NUB1: variants seen among roughly 807,000 people sequenced by gnomAD.
The protein encoded by NUB1 is negative regulator of ubiquitin like proteins 1, also known as NEDD8 ultimate buster 1.
NUB1 carries 41 observed loss-of-function variants against 77.1 expected under a neutral mutation model. The ratio of observed to expected loss-of-function variants is 0.53; its 90% CI spans 0.41 to 0.69. The LOEUF is 0.69. NUB1 is among the 30% of genes least tolerant of loss of function. The pLI is 0.00. For synonymous variants in NUB1, 257 were observed against 281.0 expected, an observed-to-expected ratio of 0.91 and a Z score of 0.85; for missense variants, 643 against 743.8, an observed-to-expected ratio of 0.86 and a Z score of 1.58.
intron 1 of NUB1, among the ~76,000 whole-genome samples, chr7:151,343,567 C>T (rs17173091): frequency 0.046 from 6,975 of 152,220 alleles, 296 homozygotes; most frequent in East Asian, 0.25. Context: ...TATTGCTTGT[C>T]TGATTTGGGA....
rs1260576235 is a variant in NUB1 at position 151,355,893 on chromosome 7, C to T, written c.541C>T (p.Leu181Phe). The T allele has an allele frequency of 2.5e-6, 4 of 1,613,820 alleles. No individual in the cohort carries two copies. Among genetic ancestry groups the T allele is most frequent in the Admixed American group, 1.7e-5 (1 of 60,002 alleles). ...GGAAGAGGAGCAAAATGAGGCCAAA[C>T]TCAAAGAAAAACAAATTCAGAGGAC... ...LEEEEQNEAKLKEKQIQRTKR... is the reference protein window; with the variant it reads ...LEEEEQNEAKFKEKQIQRTKR... Residue 181 changes from leucine (L) to phenylalanine (F), a missense_variant, in exon 6 of 15, where the codon CTC becomes TTC. Leu to Phe is a conservative substitution (Grantham distance 22, BLOSUM62 0). Coordinates refer to ENST00000568733, the MANE Select transcript of NUB1 (RefSeq NM_001243351.2).
chr7:151,370,909 A>C (rs1163264118), intron 11 of NUB1, among the ~76,000 whole-genome samples: 1 of 152,156 alleles, frequency 6.6e-6, no homozygotes, highest in Non-Finnish European at 1.5e-5. Flanking sequence ...TCACTGTATA[A>C]GACTATAGTT....
intron 13 of NUB1, chr7:151,376,260 A>G (rs992735086): frequency 8.6e-6 from 4 of 463,424 alleles, no homozygotes; most frequent in Admixed American, 7.1e-5. Flanking sequence ...GACCTGGGAA[A>G]CCCATCCAGC....
rs771994920 is a variant in NUB1, at chr7:151,345,470, T to G, written c.117+4T>G. The G allele has an allele frequency of 1.4e-6, 2 of 1,468,464 alleles. No individual in the cohort carries two copies. The highest frequency in any genetic ancestry group is 1.9e-6 in the Non-Finnish European group (2 of 1,059,762). The allele number at this position is 1,468,464 out of a possible 1,614,324, so 91.0% of individuals were successfully genotyped here. The stretch of plus-strand genomic sequence containing the variant: ...AAAAGTTGGTTTGGCATTAAAGGTA[T>G]TTTTCTTTTAAGACATCAATAATTA... On this transcript the variant is annotated splice_donor_region_variant and intron_variant, in intron 2 of 14. Coordinates refer to ENST00000568733, the MANE Select transcript of NUB1 (RefSeq NM_001243351.2).
intron 13 of NUB1, 124 bp downstream of exon 13, chr7:151,376,067 A>G (rs774096291): frequency 5.2e-5 from 37 of 706,090 alleles, no homozygotes; most frequent in Non-Finnish European, 8.0e-5. Context: ...CCCAGGCTCC[A>G]GGTGTAACCT....
At chr7:151,354,730 G>A (rs950135270) in intron 5 of NUB1, among the ~76,000 whole-genome samples, 3 of 152,248 alleles carry the variant, frequency 2.0e-5, no homozygotes, top group East Asian at 1.9e-4. Flanking sequence ...GGTAGATGGA[G>A]CCCATGGTCT....
intron 2 of NUB1, among the ~76,000 whole-genome samples, chr7:151,348,872 G>C (rs555268590): frequency 5.9e-5 from 9 of 152,242 alleles, no homozygotes; most frequent in African/African-American, 1.9e-4. Flanking sequence ...ACCGCGCCCA[G>C]TCTCAAATAA....
intron 2 of NUB1, among the ~76,000 whole-genome samples, chr7:151,347,573 T>A (rs944573209): frequency 6.6e-6 from 1 of 152,166 alleles, no homozygotes; most frequent in Non-Finnish European, 1.5e-5. Flanking sequence ...TTCTCCCACC[T>A]CAGCCTTGGG....
chr7:151,342,978 A>G (rs1436725269), intron 1 of NUB1, among the ~76,000 whole-genome samples: 1 of 152,120 alleles, frequency 6.6e-6, no homozygotes, highest in Non-Finnish European at 1.5e-5. Context: ...CCGGCCTTGG[A>G]TGGCATCTCT....
At position 151,375,159 on chromosome 7, in the gene NUB1, C is replaced by T. The variant is rs1048441937; in HGVS notation, c.1396-689C>T. Among the ~76,000 whole-genome samples, 7 of 152,234 alleles carry T rather than the reference C, an allele frequency of 4.6e-5. No individual in the cohort carries two copies. The East Asian group carries it at 7.7e-4, about 17-fold the overall frequency. ...TGCCTCTTATCCCTGCCCTGTTCCC[C>T]GGAAGGCTCCACAAGTCAGTACTTT... On this transcript the variant is annotated intron_variant, in intron 12 of 14. Coordinates refer to ENST00000568733, the MANE Select transcript of NUB1 (RefSeq NM_001243351.2).
intron 2 of NUB1, among the ~76,000 whole-genome samples, chr7:151,346,188 GAC>G (rs1796500866): frequency 6.6e-6 from 1 of 152,210 alleles, no homozygotes; most frequent in African/African-American, 2.4e-5. Context: ...CTTGGGAGGT[GAC>G]AAACTGTATT....
chr7:151,351,936 C>CACAT (rs3838706), intron 4 of NUB1, among the ~76,000 whole-genome samples: 2 of 151,686 alleles, frequency 1.3e-5, no homozygotes, highest in Non-Finnish European at 2.9e-5. Context: ...CACACACACA[C>CACAT]GTTTGCCACA....
Position 151,377,031 on chromosome 7 carries a change from C to A in NUB1, c.1670-16C>A. On this transcript the variant is annotated splice_polypyrimidine_tract_variant and intron_variant, in intron 14 of 14. Transcript: ENST00000568733. ...TCCTCACATAATTCACTTACTCCTGCGGTATTTTATTGTAGGAACCTCTAG... is the reference window on the plus strand; with the variant it reads ...TCCTCACATAATTCACTTACTCCTGAGGTATTTTATTGTAGGAACCTCTAG... The A allele has an allele frequency of 6.6e-7, 1 of 1,526,052 alleles. No individual in the cohort carries two copies. Among genetic ancestry groups the A allele is most frequent in the Non-Finnish European group, 8.8e-7 (1 of 1,135,868 alleles). 94.5% of individuals were successfully genotyped at this position (1,526,052 alleles called of 1,614,324 possible).
intron 7 of NUB1, among the ~76,000 whole-genome samples, chr7:151,356,837 C>T: frequency 6.6e-6 from 1 of 152,198 alleles, no homozygotes; most frequent in Non-Finnish European, 1.5e-5. Context: ...CCTGCCTCAG[C>T]CTCCTGAGTA....
At chr7:151,351,535 C>T in intron 4 of NUB1, 53 bp downstream of exon 4, 1 of 1,279,602 alleles carries the variant, frequency 7.8e-7, no homozygotes, top group Non-Finnish European at 1.1e-6. Flanking sequence ...TTTACATTGG[C>T]TTATTTGATC....
intron 7 of NUB1, among the ~76,000 whole-genome samples, chr7:151,359,758 C>T (rs1185354345): frequency 2.6e-5 from 4 of 151,922 alleles, no homozygotes; most frequent in Non-Finnish European, 5.9e-5. Flanking sequence ...GCCTGGACGA[C>T]AGAATGAGAC....
At chr7:151,365,578 C>T (rs1399192825) in intron 8 of NUB1, among the ~76,000 whole-genome samples, 4 of 152,130 alleles carry the variant, frequency 2.6e-5, no homozygotes, top group Non-Finnish European at 4.4e-5. Context: ...AATCTCAACA[C>T]GACTGTGAGA....
At chr7:151,364,387 C>T (rs1797541032) in intron 8 of NUB1, among the ~76,000 whole-genome samples, 1 of 148,954 alleles carries the variant, frequency 6.7e-6, no homozygotes. Context: ...CACCACTGCA[C>T]TCCAGCCTGG....
chr7:151,354,554 G>A (rs1269465940), intron 5 of NUB1, among the ~76,000 whole-genome samples: 2 of 151,918 alleles, frequency 1.3e-5, no homozygotes, highest in African/African-American at 4.8e-5. Context: ...CATAATTTTT[G>A]TTAGATTTGT....
Sources: allele counts gnomAD v4.1 joint callset (sites outside exome capture counted in the v4.1 genomes callset), GRCh38; gene constraint gnomAD v4.1.1; transcripts MANE v1.5; gene names NCBI Gene and HGNC (gene_info 2026-07-23, HGNC 2026-07-21).